Variants in NHS observed in about 807,000 individuals in gnomAD.
NHS encodes NHS actin remodeling regulator, also known as actin remodeling regulator NHS.
Under a neutral mutation model 72.5 loss-of-function variants are expected in NHS, and 5 were observed. The observed-to-expected ratio is 0.07, with a 90% confidence interval of 0.04 to 0.14. The LOEUF (loss-of-function observed/expected upper bound fraction) is 0.14, where lower values mean the gene tolerates loss of function less well. Among genes scored for constraint, NHS ranks in the 10% least tolerant of loss-of-function variants. The pLI is 1.00. For synonymous variants in NHS, 464 were observed against 547.7 expected, an observed-to-expected ratio of 0.85 and a Z score of 2.13; for missense variants, 1,072 against 1,355.7, an observed-to-expected ratio of 0.79 and a Z score of 3.29.
intron 1 of NHS, among the ~76,000 whole-genome samples, chrX:17,542,681 C>T (rs1191483347): frequency 9.3e-6 from 1 of 107,663 alleles, no homozygotes; most frequent in Admixed American, 9.8e-5. Flanking sequence ...TTATGGAAGT[C>T]CTGAATCCAG....
intron 1 of NHS, among the ~76,000 whole-genome samples, chrX:17,624,222 T>C (rs1328840818): frequency 8.9e-6 from 1 of 112,900 alleles, no homozygotes; most frequent in Admixed American, 9.3e-5. Flanking sequence ...AGGGCAAAAC[T>C]ACAAGCCATG....
intron 3 of NHS, among the ~76,000 whole-genome samples, chrX:17,716,962 C>CT (rs768134707): frequency 0.039 from 3,726 of 95,433 alleles, 76 homozygotes; most frequent in Non-Finnish European, 0.047. Flanking sequence ...TCCCCTTACT[C>CT]TTTTTTTTTT....
chrX:17,576,858 C>T (rs1177647996), intron 1 of NHS, among the ~76,000 whole-genome samples: 2 of 111,769 alleles, frequency 1.8e-5, no homozygotes, highest in African/African-American at 6.5e-5. Flanking sequence ...ACTTATCCAG[C>T]CTTGATGCAT....
chrX:17,518,817 A>C (rs530032256), intron 1 of NHS, among the ~76,000 whole-genome samples: 1 of 111,814 alleles, frequency 8.9e-6, no homozygotes, highest in East Asian at 2.8e-4. Context: ...GTTGATCTTG[A>C]GTGCAGCTTG....
rs1001329229 is a variant in NHS, at chrX:17,685,010, G to C, written c.566-2732G>C. Among the ~76,000 whole-genome samples the C allele has an allele frequency of 2.0e-4, 23 of 112,481 alleles. No individual in the cohort carries two copies. In the Middle Eastern group the frequency reaches 0.014, roughly 67 times the overall value. Reference sequence around the variant, plus strand: ...GAAAAGGGAGCATGGTGAACCCGAAGATGCAGGGCAGCCTTACAATGGCAG... The same window carrying C: ...GAAAAGGGAGCATGGTGAACCCGAACATGCAGGGCAGCCTTACAATGGCAG... On this transcript the variant is annotated intron_variant, in intron 1 of 8. Coordinates refer to ENST00000676302, the MANE Select transcript of NHS (RefSeq NM_001291867.2).
intron 1 of NHS, among the ~76,000 whole-genome samples, chrX:17,506,591 G>A (rs774067182): frequency 1.1e-4 from 12 of 110,908 alleles, no homozygotes; most frequent in Non-Finnish European, 1.9e-4. Context: ...AGGTGCACTT[G>A]TCCTGATGGT....
chrX:17,602,834 ATTTTTTTTT>A, intron 1 of NHS, among the ~76,000 whole-genome samples: 1 of 83,273 alleles, frequency 1.2e-5, no homozygotes, highest in Middle Eastern at 6.6e-3. Flanking sequence ...CACAACTACA[ATTTTTTTTT>A]TTTTTTTTTT....
chrX:17,558,046 C>T (rs1481813568), intron 1 of NHS, among the ~76,000 whole-genome samples: 1 of 112,198 alleles, frequency 8.9e-6, no homozygotes, highest in Non-Finnish European at 1.9e-5. Flanking sequence ...TCACTAGGTA[C>T]AGCCGACACT....
intron 1 of NHS, among the ~76,000 whole-genome samples, chrX:17,473,956 A>G (rs910251485): frequency 1.2e-4 from 13 of 110,558 alleles, no homozygotes; most frequent in African/African-American, 4.3e-4. Context: ...TCGGGGGTAC[A>G]CGTGAAGGTT....
chrX:17,415,012 C>T (rs1385106189), intron 1 of NHS, among the ~76,000 whole-genome samples: 1 of 111,247 alleles, frequency 9.0e-6, no homozygotes, highest in African/African-American at 3.3e-5. Flanking sequence ...TATCTTGGTA[C>T]TGAGCCTGCC....
intron 1 of NHS, among the ~76,000 whole-genome samples, chrX:17,377,042 C>T (rs2064350531): frequency 8.9e-6 from 1 of 112,440 alleles, no homozygotes; most frequent in Admixed American, 9.3e-5. Flanking sequence ...CCCTGGGCAT[C>T]TTTTCTGCTC....
intron 1 of NHS, among the ~76,000 whole-genome samples, chrX:17,381,736 G>A (rs1212059720): frequency 5.3e-5 from 6 of 112,363 alleles, no homozygotes; most frequent in African/African-American, 1.3e-4. Context: ...GAGCTATTGC[G>A]TGAACAATTT....
At chrX:17,697,425 C>T (rs2066237799) in intron 3 of NHS, among the ~76,000 whole-genome samples, 1 of 111,903 alleles carries the variant, frequency 8.9e-6, no homozygotes, top group Admixed American at 9.5e-5. Flanking sequence ...AGCAGATCCA[C>T]ATAGAGTGAT....
At chrX:17,570,705 T>C (rs753858107) in intron 1 of NHS, among the ~76,000 whole-genome samples, 5 of 111,835 alleles carry the variant, frequency 4.5e-5, no homozygotes, top group Admixed American at 1.9e-4. Flanking sequence ...TCCAATACTA[T>C]GTTGAATAGG....
chrX:17,660,736 G>T (rs943631379), intron 1 of NHS, among the ~76,000 whole-genome samples: 2 of 112,120 alleles, frequency 1.8e-5, no homozygotes, highest in African/African-American at 6.5e-5. Context: ...GAGCTTCCAG[G>T]TTTTCTTAGG....
At chrX:17,455,440 A>G (rs2064822107) in intron 1 of NHS, among the ~76,000 whole-genome samples, 1 of 111,881 alleles carries the variant, frequency 8.9e-6, no homozygotes, top group Admixed American at 9.5e-5. Flanking sequence ...GAACTGTGCC[A>G]GGTGTTATGT....
chrX:17,396,849 C>T (rs2064477501), intron 1 of NHS, among the ~76,000 whole-genome samples: 1 of 111,295 alleles, frequency 9.0e-6, no homozygotes, highest in South Asian at 3.8e-4. Flanking sequence ...AAAAGATCAT[C>T]AGGCATCCAT....
intron 1 of NHS, among the ~76,000 whole-genome samples, chrX:17,539,271 C>A (rs1197094379): frequency 9.0e-6 from 1 of 110,647 alleles, no homozygotes; most frequent in African/African-American, 3.3e-5. Flanking sequence ...TCCCAACTAC[C>A]CCATTTAAAA....
At chrX:17,509,870 C>T (rs1203720749) in intron 1 of NHS, among the ~76,000 whole-genome samples, 1 of 112,592 alleles carries the variant, frequency 8.9e-6, no homozygotes, top group South Asian at 3.7e-4. Context: ...AGCTATCATG[C>T]CATAATAATG....
Sources: gnomAD v4.1 joint callset for allele counts (sites outside exome capture counted in the v4.1 genomes callset) on GRCh38, gnomAD v4.1.1 for gene constraint, MANE v1.5 for transcripts, NCBI Gene and HGNC (gene_info 2026-07-23, HGNC 2026-07-21) for gene names.